FYB1: variants seen among roughly 807,000 people sequenced by gnomAD.
The protein encoded by FYB1 is FYN-binding protein 1.
FYB1 carries 41 observed loss-of-function variants against 94.1 expected under a neutral mutation model. That is an observed-to-expected ratio of 0.44 (90% CI 0.34 to 0.57). The LOEUF is 0.57. FYB1 is among the 20% of genes least tolerant of loss of function. The pLI is 0.02. For missense variants in FYB1, 1,050 were observed against 976.8 expected, an observed-to-expected ratio of 1.07 and a Z score of -1.00; for synonymous variants, 367 against 353.2, an observed-to-expected ratio of 1.04 and a Z score of -0.44.
intron 3 of FYB1, among the ~76,000 whole-genome samples, chr5:39,148,726 A>G (rs1433605579): frequency 6.6e-6 from 1 of 152,116 alleles, no homozygotes; most frequent in Admixed American, 6.6e-5. Context: ...AAACACACAC[A>G]TAAACAGAAA....
chr5:39,118,758 A>G (rs750817560), intron 16 of FYB1, 116 bp downstream of exon 16: 25 of 587,576 alleles, frequency 4.3e-5, no homozygotes, highest in Non-Finnish European at 6.3e-5. Flanking sequence ...TACAAAGGAT[A>G]GGGCAAAAAG....
intron 2 of FYB1, chr5:39,170,028 T>G: frequency 1.3e-6 from 1 of 769,494 alleles, no homozygotes. Flanking sequence ...CAGATGAATT[T>G]TCAATAGGAT....
intron 1 of FYB1, among the ~76,000 whole-genome samples, chr5:39,232,518 A>AT (rs796882838): frequency 0.14 from 21,281 of 150,280 alleles, 4,013 homozygotes; most frequent in African/African-American, 0.42. Flanking sequence ...TAGCATAAAC[A>AT]TTTATTTTAT....
At chr5:39,247,071 C>CAT (rs3085950) in intron 1 of FYB1, among the ~76,000 whole-genome samples, 5,144 of 65,164 alleles carry the variant, frequency 0.079, 171 homozygotes, top group Non-Finnish European at 0.09. Context: ...AATGCGTGTT[C>CAT]ATATATATAT....
At chr5:39,196,255 C>A (rs370498226) in intron 2 of FYB1, among the ~76,000 whole-genome samples, 1 of 142,630 alleles carries the variant, frequency 7.0e-6, no homozygotes, top group Non-Finnish European at 1.5e-5. Context: ...GTCACCCAGG[C>A]TGGAGTGCAG....
chr5:39,259,341 G>A (rs155454), intron 1 of FYB1, among the ~76,000 whole-genome samples: 89,208 of 151,750 alleles, frequency 0.59, 26,468 homozygotes, highest in African/African-American at 0.67. Flanking sequence ...CCAGGAGCTA[G>A]GCCAGTAGGC....
rs181720217 is a variant in FYB1, at chr5:39,192,547, T to C, written c.1135+9279A>G. ...TCTTATTTTTTGAGATGCTTAAACA[T>C]ATATCAGTTTTATCCTCTTGATTGC... On this transcript the variant is annotated intron_variant, in intron 2 of 18. Coordinates refer to ENST00000512982, the MANE Select transcript of FYB1 (RefSeq NM_001465.6). 9.5e-3 allele frequency among the ~76,000 whole-genome samples: 1,444 copies of C among 152,348 alleles called. 23 individuals are homozygous for C. Among genetic ancestry groups the C allele is most frequent in the African/African-American group, 0.032 (1,345 of 41,574 alleles).
At chr5:39,153,175 T>A (rs1215983099) in intron 3 of FYB1, among the ~76,000 whole-genome samples, 1 of 152,104 alleles carries the variant, frequency 6.6e-6, no homozygotes, top group African/African-American at 2.4e-5. Context: ...CAGAACTTTT[T>A]AAAAAACAGT....
chr5:39,234,834 G>T lies in FYB1; in HGVS notation c.-27-31847C>A, dbSNP rs138702809. Among the ~76,000 whole-genome samples, 989 of 151,924 alleles carry T rather than the reference G, an allele frequency of 6.5e-3. 15 individuals carry two copies. Among genetic ancestry groups the T allele is most frequent in the African/African-American group, 0.023 (938 of 41,422 alleles). On this transcript the variant is annotated intron_variant, in intron 1 of 1. Transcript: ENST00000510188. The stretch of plus-strand genomic sequence containing the variant: ...ATGTTCTTACTCATAAGTGGGAGTT[G>T]AACAACGAGAACACATGGACACAGG...
intron 1 of FYB1, among the ~76,000 whole-genome samples, chr5:39,224,638 G>A (rs765337279): frequency 3.9e-5 from 6 of 152,158 alleles, no homozygotes; most frequent in Non-Finnish European, 5.9e-5. Context: ...GGACTGTGTA[G>A]GAGAGAAGAA....
At chr5:39,231,375 C>T (rs763020900) in intron 1 of FYB1, among the ~76,000 whole-genome samples, 2 of 152,072 alleles carry the variant, frequency 1.3e-5, no homozygotes, top group African/African-American at 4.8e-5. Flanking sequence ...TCTAAATGTA[C>T]TGAGTACCTT....
chr5:39,140,471 G>C (rs1561163847), intron 4 of FYB1, among the ~76,000 whole-genome samples: 1 of 152,218 alleles, frequency 6.6e-6, no homozygotes, highest in Non-Finnish European at 1.5e-5. Context: ...TGAATAACAG[G>C]ACCGATTGAT....
intron 7 of FYB1, among the ~76,000 whole-genome samples, chr5:39,136,391 T>G (rs1741683537): frequency 1.3e-5 from 2 of 152,136 alleles, no homozygotes; most frequent in South Asian, 4.1e-4. Context: ...TTTCATAAAT[T>G]AATTGAAATT....
At chr5:39,175,707 G>A (rs1406324429) in intron 2 of FYB1, among the ~76,000 whole-genome samples, 1 of 151,882 alleles carries the variant, frequency 6.6e-6, no homozygotes, top group Non-Finnish European at 1.5e-5. Context: ...GGGCAGAAAG[G>A]AATCTCAGAA....
At chr5:39,139,139 A>G in intron 5 of FYB1, 94 bp downstream of exon 5, 6 of 1,222,016 alleles carry the variant, frequency 4.9e-6, no homozygotes, top group South Asian at 4.8e-5. Context: ...AAGGATTTTC[A>G]TTTGTTTGTT....
chr5:39,190,530 G>A (rs1747262494), intron 2 of FYB1, among the ~76,000 whole-genome samples: 1 of 152,116 alleles, frequency 6.6e-6, no homozygotes, highest in Admixed American at 6.6e-5. Context: ...CTCAGCCCGA[G>A]AACAACTAAT....
At chr5:39,154,939 T>C (rs6863824) in intron 2 of FYB1, among the ~76,000 whole-genome samples, 45,055 of 152,076 alleles carry the variant, frequency 0.3, 6,825 homozygotes, top group East Asian at 0.54. Flanking sequence ...ATTTCAAAAT[T>C]AGTATTTTCC....
At chr5:39,191,019 C>CT (rs1445942956) in intron 2 of FYB1, among the ~76,000 whole-genome samples, 1 of 152,138 alleles carries the variant, frequency 6.6e-6, no homozygotes, top group East Asian at 1.9e-4. Context: ...AAGGGAGATT[C>CT]TTTTTCCACA....
chr5:39,132,390 T>C (rs1415801431), intron 9 of FYB1, among the ~76,000 whole-genome samples: 1 of 152,200 alleles, frequency 6.6e-6, no homozygotes, highest in African/African-American at 2.4e-5. Context: ...AAAACATGTA[T>C]AGAAATGTCT....
Sources: gnomAD v4.1 joint callset for allele counts (sites outside exome capture counted in the v4.1 genomes callset) on GRCh38, gnomAD v4.1.1 for gene constraint, MANE v1.5 for transcripts, NCBI Gene and HGNC (gene_info 2026-07-23, HGNC 2026-07-21) for gene names.